The following CKM variants were observed in gnomAD, a reference collection of about 807,000 sequenced individuals.
CKM encodes the protein creatine kinase, M-type.
Under a neutral mutation model 35.4 loss-of-function variants are expected in CKM, and 28 were observed. The ratio of observed to expected loss-of-function variants is 0.79; its 90% CI spans 0.59 to 1.08. The LOEUF is 1.08. Among genes scored for constraint, CKM ranks in the 50% least tolerant of loss-of-function variants. The pLI is 0.00. For synonymous variants in CKM, 215 were observed against 204.4 expected, an observed-to-expected ratio of 1.05 and a Z score of -0.44; for missense variants, 484 against 509.8, an observed-to-expected ratio of 0.95 and a Z score of 0.49.
In CKM at chr19:45,315,553, G is replaced by C. The variant is rs1599818417; in HGVS notation, c.393C>G (p.Val131=). 6.2e-7 allele frequency: 1 copy of C among 1,603,590 alleles called. No homozygotes were observed. The highest frequency in any genetic ancestry group is 1.1e-5 in the South Asian group (1 of 91,086). The change falls in exon 4 of 8, where the codon GTC becomes GTG. Residue 131 remains valine (V), a synonymous_variant. Coordinates refer to ENST00000221476, the MANE Select transcript of CKM (RefSeq NM_001824.5). The stretch of plus-strand genomic sequence containing the variant: ...AGCCCTTGATGCTGCGGCCAGTGCG[G>C]ACGCGGCTGCTGAGCACGTAGTTAG... ...LDPNYVLSSR[V]RTGRSIKGYT... is the part of the protein sequence containing the mutation.
chr19:45,312,970 A>T (rs1056222548), intron 4 of CKM, among the ~76,000 whole-genome samples: 2 of 151,978 alleles, frequency 1.3e-5, no homozygotes, highest in African/African-American at 4.8e-5. Flanking sequence ...AAAAAAAGAA[A>T]AAAAATTGTG....
In CKM at chr19:45,310,927, C is replaced by T. The variant is rs1244970186; in HGVS notation, c.653+822G>A. On this transcript the variant is annotated intron_variant, in intron 5 of 7. Transcript: ENST00000221476. ...CTGGGACTACAGGCGCCTGCCACGA[C>T]GCCGGGCTAATTTTTTTTTTTTTTT... is the stretch of plus-strand genomic sequence containing the variant. 5.9e-5 allele frequency among the ~76,000 whole-genome samples: 8 copies of T among 136,326 alleles called. No homozygotes were observed. The East Asian group carries it at 9.9e-4, about 17-fold the overall frequency. The allele number at this position is 136,326 out of a possible 152,430, so 89.4% of individuals were successfully genotyped here. A position where few individuals can be genotyped will look rare whatever the true frequency, so the allele number is the denominator to read the frequency against.
intron 4 of CKM, among the ~76,000 whole-genome samples, chr19:45,313,549 A>G (rs2046837966): frequency 6.6e-6 from 1 of 152,174 alleles, no homozygotes; most frequent in South Asian, 2.1e-4. Flanking sequence ...TTTCACTTTA[A>G]ATAAAAAGCT....
rs374105815 is a variant in CKM at position 45,307,503 on chromosome 19, C to G, written c.925G>C (p.Glu309Gln). The G allele has an allele frequency of 6.2e-7, 1 of 1,613,806 alleles. No homozygotes were observed. The change falls in exon 7 of 8, where the codon GAG becomes CAG. Residue 309 changes from glutamate to glutamine, a missense_variant. Coordinates refer to ENST00000221476, the MANE Select transcript of CKM (RefSeq NM_001824.5). ...LAHLSKHPKF[E>Q]EILTRLRLQK... Reference sequence around the variant, plus strand: ...AGACGCAGGCGGGTGAGGATCTCCTCGAACTTGGGGTGCTTGCTCAGGTGC... The same window carrying G: ...AGACGCAGGCGGGTGAGGATCTCCTGGAACTTGGGGTGCTTGCTCAGGTGC...
Position 45,306,799 on chromosome 19 carries a change from T to A in CKM, c.1097A>T (p.Lys366Met), listed in dbSNP as rs1971056183. 2 of 1,614,048 alleles carry A rather than the reference T, an allele frequency of 1.2e-6. No individual in the cohort carries two copies. Among genetic ancestry groups the A allele is most frequent in the Non-Finnish European group, 1.7e-6 (2 of 1,179,926 alleles). Residue 366 changes from lysine (K) to methionine (M), a missense_variant, in exon 8 of 8, where the codon AAG becomes ATG. Coordinates refer to ENST00000221476, the MANE Select transcript of CKM (RefSeq NM_001824.5). This position sits in a 1 kb window ranked among gnomAD's most constrained non-coding sequence, Gnocchi z 4.5. Reference sequence around the variant, plus strand: ...GTCAATGGACTGGCCTTTCTCCAACTTCTTCTCCATTTCCACCATGAGCTT... The same window carrying A: ...GTCAATGGACTGGCCTTTCTCCAACATCTTCTCCATTTCCACCATGAGCTT... ...GVKLMVEMEK[K>M]LEKGQSIDDM...
intron 1 of CKM, among the ~76,000 whole-genome samples, chr19:45,320,221 G>T (rs1228297941): frequency 1.3e-5 from 2 of 152,012 alleles, no homozygotes; most frequent in South Asian, 2.1e-4. Flanking sequence ...TGAGTAGCTG[G>T]GATTACAGGC....
At chr19:45,313,339 G>A (rs961409838) in intron 4 of CKM, among the ~76,000 whole-genome samples, 2 of 152,068 alleles carry the variant, frequency 1.3e-5, no homozygotes, top group African/African-American at 4.8e-5. Context: ...GGGTGCCACC[G>A]ACCTTGCCCA....
intron 1 of CKM, among the ~76,000 whole-genome samples, chr19:45,320,731 G>A (rs955905863): frequency 6.6e-6 from 1 of 152,136 alleles, no homozygotes; most frequent in Non-Finnish European, 1.5e-5. Flanking sequence ...GTGGCCAGGG[G>A]CAAGTTGCTT....
intron 1 of CKM, among the ~76,000 whole-genome samples, chr19:45,321,223 G>A (rs17875591): frequency 3.4e-4 from 52 of 151,966 alleles, no homozygotes; most frequent in African/African-American, 1.2e-3. Context: ...TATTTTAAAG[G>A]TTCGTGCGAG....
chr19:45,307,866 GTTTT>G (rs34729831), intron 6 of CKM, among the ~76,000 whole-genome samples: 13 of 124,172 alleles, frequency 1.0e-4, no homozygotes, highest in East Asian at 8.5e-4. Flanking sequence ...TTGAAGGCGG[GTTTT>G]TTTTTTTTTT....
rs1971058252 is a variant in CKM, at chr19:45,306,924, G to A, written c.972C>T (p.Gly324=). ...CTGAGCCCACGGCAGCTGTGTCCAC[G>A]CCACCTGTGGGAGCAAGGGACAGGG... The part of the protein sequence containing the change: ...RLRLQKRGTG[G]VDTAAVGSVF... Residue 324 remains glycine (G), a synonymous_variant, in exon 8 of 8, where the codon GGC becomes GGT. Transcript: ENST00000221476. This position sits in a 1 kb window ranked among gnomAD's most constrained non-coding sequence, Gnocchi z 4.5. The A allele has an allele frequency of 3.7e-6, 6 of 1,613,622 alleles. No individual in the cohort carries two copies. Among genetic ancestry groups the A allele is most frequent in the African/African-American group, 1.3e-5 (1 of 75,060 alleles).
intron 1 of CKM, among the ~76,000 whole-genome samples, chr19:45,322,484 C>T (rs568785691): frequency 3.9e-5 from 6 of 152,096 alleles, no homozygotes; most frequent in Admixed American, 2.6e-4. Context: ...CCAGTGTTGG[C>T]GACAAACTGT....
Position 45,307,647 on chromosome 19 carries a change from C to G in CKM, c.781G>C (p.Glu261Gln), listed in dbSNP as rs1249653303. ...TGGCCAGCTTTCTTAAAGATCTCCT[C>G]AATCTGAGGTTCAGAGAGAGGACCA... is the stretch of plus-strand genomic sequence containing the variant. ...RRFCVGLQKI[E>Q]EIFKKAGHPF... Residue 261 changes from glutamate (E) to glutamine (Q), a missense_variant, in exon 7 of 8, where the codon GAG (glutamate) becomes CAG (glutamine). Transcript: ENST00000221476. 6.2e-7 allele frequency: 1 copy of G among 1,613,524 alleles called. No individual in the cohort carries two copies. The highest frequency in any genetic ancestry group is 8.5e-7 in the Non-Finnish European group (1 of 1,179,956).
In CKM at chr19:45,309,128, T is replaced by C. The variant is rs570696624; in HGVS notation, c.654-596A>G. 2.7e-5 allele frequency among the ~76,000 whole-genome samples: 4 copies of C among 148,468 alleles called. No individual in the cohort carries two copies. The South Asian group carries it at 8.4e-4, about 31-fold the overall frequency. ...CTGTAGTCCCAGCTACTCAGGAGGC[T>C]GAGGCAAGAGAATGGCGAGAACCCG... On this transcript the variant is annotated intron_variant, in intron 5 of 7. Transcript: ENST00000221476.
rs1316547617 is a variant in CKM, at chr19:45,307,536, T to TC, written c.891dup (p.Lys298GlufsTer38). 6.2e-7 allele frequency: 1 copy of TC among 1,613,998 alleles called. No homozygotes were observed. Among genetic ancestry groups the TC allele is most frequent in the East Asian group, 2.2e-5 (1 of 44,898 alleles). ...GGGTGCTTGCTCAGGTGCGCCAGCT[T>TC]CACATGCACGCCTCCACGCAGCCCA... On this transcript the variant is annotated frameshift_variant, in exon 7 of 8. Coordinates refer to ENST00000221476, the MANE Select transcript of CKM (RefSeq NM_001824.5). LOFTEE classifies it high-confidence loss of function.
chr19:45,306,416 G>C lies in CKM; in HGVS notation c.*334C>G, dbSNP rs1971051678. On this transcript the variant is annotated 3_prime_UTR_variant, in exon 8 of 8. Coordinates refer to ENST00000221476, the MANE Select transcript of CKM (RefSeq NM_001824.5). This position sits in a 1 kb window ranked among gnomAD's most constrained non-coding sequence, Gnocchi z 4.5. ...CTCAATAACTATCGCACAAAGCTAA[G>C]GCCACCAATGCTTTTATTTATCGCT... 2.6e-6 allele frequency: 1 copy of C among 392,018 alleles called. No homozygotes were observed. Among genetic ancestry groups the C allele is most frequent in the Admixed American group, 3.7e-5 (1 of 26,906 alleles). 24.3% of individuals were successfully genotyped at this position (392,018 alleles called of 1,614,324 possible). A position where few individuals can be genotyped will look rare whatever the true frequency, so the allele number is the denominator to read the frequency against.
chr19:45,308,405 C>T lies in CKM; in HGVS notation c.777+4G>A, dbSNP rs774740509. On this transcript the variant is annotated splice_donor_region_variant and intron_variant, in intron 6 of 7. Coordinates refer to ENST00000221476, the MANE Select transcript of CKM (RefSeq NM_001824.5). ...GAAGTCAGCAGCTAAGGGCAGACAC[C>T]CACCTTCTGCAGCCCTACGCAGAAG... The T allele has an allele frequency of 1.2e-6, 2 of 1,614,136 alleles. No homozygotes were observed. The highest frequency in any genetic ancestry group is 2.2e-5 in the East Asian group (1 of 44,882).
chr19:45,309,919 T>C (rs368098326), intron 5 of CKM, among the ~76,000 whole-genome samples: 4 of 152,136 alleles, frequency 2.6e-5, no homozygotes, highest in East Asian at 3.9e-4. Flanking sequence ...ATTTAAAATC[T>C]TGAAATCTTA....
At chr19:45,311,997 C>A (rs766454373) in intron 4 of CKM, 77 bp from the exon 5 acceptor site, 8 of 1,531,304 alleles carry the variant, frequency 5.2e-6, no homozygotes, top group Non-Finnish European at 7.2e-6. Context: ...GTTTCCCCTG[C>A]TGCTGCTCCT....
Sources: allele counts gnomAD v4.1 joint callset (sites outside exome capture counted in the v4.1 genomes callset), GRCh38; gene constraint gnomAD v4.1.1; non-coding constraint Gnocchi (gnomAD v3.1); transcripts MANE v1.5; gene names NCBI Gene and HGNC (gene_info 2026-07-23, HGNC 2026-07-21).